TPRG1: variants seen among roughly 807,000 people sequenced by gnomAD.
TPRG1 encodes tumor protein p63-regulated gene 1 protein.
Under a neutral mutation model 29.3 loss-of-function variants are expected in TPRG1, and 29 were observed. That is an observed-to-expected ratio of 0.99 (90% CI 0.74 to 1.35). The LOEUF (loss-of-function observed/expected upper bound fraction) is 1.35. Ranked by LOEUF, TPRG1 falls within the 40% of genes most tolerant of loss-of-function variation. The probability of loss-of-function intolerance (pLI) is 0.00; values close to 1 mark genes in which losing one functional copy is unlikely to be tolerated. For missense variants in TPRG1, 327 were observed against 335.0 expected (o/e 0.98, Z 0.19); for synonymous variants, 130 against 116.8 (o/e 1.11, Z -0.73).
chr3:189,169,856 C>A (rs1477443973), upstream of TPRG1, among the ~76,000 whole-genome samples: 1 of 152,186 alleles, frequency 6.6e-6, no homozygotes, highest in African/African-American at 2.4e-5. Context: ...CAGTGAGCAG[C>A]TGAGCAGGGA....
intron 1 of TPRG1, among the ~76,000 whole-genome samples, chr3:189,201,701 G>T (rs1733518375): frequency 6.6e-6 from 1 of 151,980 alleles, no homozygotes. Context: ...CCAGGCTGGA[G>T]TGCAGTAGTG....
chr3:189,226,269 T>C (rs978502386), intron 3 of TPRG1, among the ~76,000 whole-genome samples: 3 of 152,180 alleles, frequency 2.0e-5, no homozygotes, highest in African/African-American at 7.2e-5. Flanking sequence ...AGCTACCATA[T>C]CCTTAGCCAC....
Position 189,275,892 on chromosome 3 carries a change from C to A in TPRG1, c.480-34494C>A, listed in dbSNP as rs1185350066. 2.0e-5 allele frequency among the ~76,000 whole-genome samples: 3 copies of A among 152,060 alleles called. No homozygotes were observed. The East Asian group carries it at 5.8e-4, about 29-fold the overall frequency. ...TGAGGATTCAAAGAAAATAGACAATCTCATACCTCAAAGTCTTCAGTGGGG... is the reference window on the plus strand; with the variant it reads ...TGAGGATTCAAAGAAAATAGACAATATCATACCTCAAAGTCTTCAGTGGGG... On this transcript the variant is annotated intron_variant, in intron 4 of 5. Coordinates refer to ENST00000345063, the MANE Select transcript of TPRG1 (RefSeq NM_198485.4).
intron 1 of TPRG1, among the ~76,000 whole-genome samples, chr3:188,997,572 A>C (rs1711876033): frequency 6.6e-6 from 1 of 152,172 alleles, no homozygotes; most frequent in Non-Finnish European, 1.5e-5. Flanking sequence ...TGAGAATTTC[A>C]GCTTTAAAAC....
rs565574415 is a variant in TPRG1, at chr3:189,102,650, T to G, written c.-744+2446T>G. 3.3e-5 allele frequency among the ~76,000 whole-genome samples: 5 copies of G among 152,332 alleles called. No individual in the cohort carries two copies. In the South Asian group the frequency reaches 1.0e-3, roughly 32 times the overall value. On this transcript the variant is annotated intron_variant, in intron 1 of 6. Transcript: ENST00000412373. ...TCCTACTTTTTATAGCTTTAAGAGA[T>G]AATTAATTTTTTTAAAAAAGAAGGA...
intron 4 of TPRG1, among the ~76,000 whole-genome samples, chr3:189,294,327 T>C (rs1169622828): frequency 6.6e-6 from 1 of 152,224 alleles, no homozygotes; most frequent in Non-Finnish European, 1.5e-5. Flanking sequence ...AGTTCTTTCT[T>C]GGAGCCAATT....
chr3:189,312,113 CTTTGTTTCTTTCTT>C (rs1722645443), intron 5 of TPRG1, among the ~76,000 whole-genome samples: 1 of 73,710 alleles, frequency 1.4e-5, no homozygotes, highest in Non-Finnish European at 2.8e-5. Context: ...TTGTTTCTTT[CTTTGTTTCTTTCTT>C]TCTTTCTTTC....
At chr3:189,284,432 C>T (rs1343127284) in intron 4 of TPRG1, among the ~76,000 whole-genome samples, 2 of 148,228 alleles carry the variant, frequency 1.3e-5, no homozygotes, top group African/African-American at 5.0e-5. Context: ...TCAATTCCCA[C>T]CTATGAGTGA....
chr3:189,115,260 G>T (rs1721033143), intron 1 of TPRG1, among the ~76,000 whole-genome samples: 1 of 152,366 alleles, frequency 6.6e-6, no homozygotes, highest in African/African-American at 2.4e-5. Context: ...TGAGAGAAGA[G>T]AGGAGTGTTA....
chr3:189,303,020 C>T (rs1292801536), intron 4 of TPRG1, among the ~76,000 whole-genome samples: 7 of 152,094 alleles, frequency 4.6e-5, no homozygotes, highest in African/African-American at 1.7e-4. Context: ...GAGCTTTAGG[C>T]AAATAGTCTG....
intron 1 of TPRG1, among the ~76,000 whole-genome samples, chr3:189,189,159 A>T (rs904580221): frequency 6.6e-6 from 1 of 152,142 alleles, no homozygotes; most frequent in Non-Finnish European, 1.5e-5. Context: ...ACAACCTATA[A>T]TCCCATTACC....
chr3:189,258,487 C>T (rs1331994092), intron 4 of TPRG1, among the ~76,000 whole-genome samples: 1 of 152,144 alleles, frequency 6.6e-6, no homozygotes, highest in African/African-American at 2.4e-5. Context: ...GGGTCAGGGA[C>T]TGACTTGAGG....
intron 5 of TPRG1, among the ~76,000 whole-genome samples, chr3:189,312,093 CTTTGTTT>C (rs1722608718): frequency 1.1e-5 from 1 of 95,170 alleles, no homozygotes; most frequent in African/African-American, 4.8e-5. Context: ...TTCTTTCTTT[CTTTGTTT>C]CTTTGTTTCT....
intron 4 of TPRG1, among the ~76,000 whole-genome samples, chr3:189,067,117 G>T (rs1385376527): frequency 6.6e-6 from 1 of 152,032 alleles, no homozygotes; most frequent in Non-Finnish European, 1.5e-5. Context: ...CTTAACCAAA[G>T]AAGTGAAAGA....
chr3:189,144,201 G>A (rs571297758), intron 3 of TPRG1, among the ~76,000 whole-genome samples: 1 of 152,296 alleles, frequency 6.6e-6, no homozygotes, highest in African/African-American at 2.4e-5. Context: ...GGAGTACAAT[G>A]ATGAACAAGC....
chr3:189,309,062 T>C lies in TPRG1; in HGVS notation c.480-1324T>C, dbSNP rs569310034. Reference sequence around the variant, plus strand: ...TCCTAACTCTGTCTTTTTTTTCCTATATACTTTTTTTTTTTTTTTTCATTT... The same window carrying C: ...TCCTAACTCTGTCTTTTTTTTCCTACATACTTTTTTTTTTTTTTTTCATTT... On this transcript the variant is annotated intron_variant, in intron 4 of 5. Coordinates refer to ENST00000345063, the MANE Select transcript of TPRG1 (RefSeq NM_198485.4). Among the ~76,000 whole-genome samples, 7 of 132,708 alleles carry C rather than the reference T, an allele frequency of 5.3e-5. No individual in the cohort carries two copies. In the South Asian group the frequency reaches 1.7e-3, roughly 32 times the overall value. The allele number at this position is 132,708 out of a possible 152,430, so 87.1% of individuals were successfully genotyped here.
At chr3:189,060,727 C>T (rs1716048054) in intron 4 of TPRG1, among the ~76,000 whole-genome samples, 1 of 152,132 alleles carries the variant, frequency 6.6e-6, no homozygotes, top group Admixed American at 6.6e-5. Flanking sequence ...CCTAGGAATA[C>T]AGCTAACCAG....
chr3:189,305,653 T>C (rs1721507800), intron 4 of TPRG1, among the ~76,000 whole-genome samples: 1 of 152,222 alleles, frequency 6.6e-6, no homozygotes, highest in Middle Eastern at 3.2e-3. Flanking sequence ...TCTGAGTCAC[T>C]GAGTGAAACA....
intron 1 of TPRG1, chr3:189,121,557 G>T (rs968728737): frequency 6.6e-6 from 1 of 152,180 alleles, no homozygotes; most frequent in Non-Finnish European, 1.5e-5. Flanking sequence ...GACTGTAATT[G>T]AACAAGAAGT....
Sources: gnomAD v4.1 joint callset for allele counts (sites outside exome capture counted in the v4.1 genomes callset) on GRCh38, gnomAD v4.1.1 for gene constraint, MANE v1.5 for transcripts, NCBI Gene and HGNC (gene_info 2026-07-23, HGNC 2026-07-21) for gene names.